The following ADGRV1 variants were observed in gnomAD, a reference collection of about 807,000 sequenced individuals.
The protein encoded by ADGRV1 is G-protein coupled receptor 98.
A neutral mutation model predicts 596.2 loss-of-function variants in ADGRV1; 359 were observed. That is an observed-to-expected ratio of 0.60 (90% CI 0.55 to 0.66). The LOEUF (loss-of-function observed/expected upper bound fraction) is 0.66, where lower values mean the gene tolerates loss of function less well. Ranked by LOEUF, ADGRV1 falls within the 30% of genes least tolerant of loss-of-function variation. ADGRV1 has a pLI of 0.00. For missense variants in ADGRV1, 7,274 were observed against 7,575.6 expected (o/e 0.96, Z 1.48); for synonymous variants, 2,681 against 2,679.2 (o/e 1.00, Z -0.02).
chr5:91,014,134 T>A (rs1202048821), intron 85 of ADGRV1, among the ~76,000 whole-genome samples: 1 of 21,346 alleles, frequency 4.7e-5, no homozygotes, highest in African/African-American at 3.0e-4. Context: ...CATTCACAAT[T>A]GCCACACACA....
rs1037087974 is a variant in ADGRV1 at position 90,668,211 on chromosome 5, C to T, written c.4753-4335C>T. Among the ~76,000 whole-genome samples the T allele has an allele frequency of 1.8e-3, 274 of 152,098 alleles. 1 individual carries two copies. Among genetic ancestry groups the T allele is most frequent in the African/African-American group, 6.3e-3 (263 of 41,476 alleles). ...ATGGCGGGCGCCCCTCCCCCAGCCT[C>T]GCTGCCGCCTTGCAGTTTGATCTCA... On this transcript the variant is annotated intron_variant, in intron 21 of 89. Coordinates refer to ENST00000405460, the MANE Select transcript of ADGRV1 (RefSeq NM_032119.4).
Position 90,628,720 on chromosome 5 carries a change from C to G in ADGRV1, c.1397C>G (p.Thr466Arg). The G allele has an allele frequency of 1.2e-6, 2 of 1,614,004 alleles. No homozygotes were observed. The highest frequency in any genetic ancestry group is 1.7e-6 in the Non-Finnish European group (2 of 1,179,888). The change falls in exon 8 of 90, where the codon ACA becomes AGA. Residue 466 changes from threonine (T) to arginine (R), a missense_variant. By Grantham distance (71) the Thr-to-Arg change is moderately conservative (BLOSUM62 -1). Around this residue, in one of 5 missense-constraint regions of ADGRV1, gnomAD observed 1,715 missense variants for 1,708.8 expected, o/e 1.00. Coordinates refer to ENST00000405460, the MANE Select transcript of ADGRV1 (RefSeq NM_032119.4). ...TTTGCACAAGGGCAGATGTTGGCAA[C>G]AATTCCTCTTACTGTGGTTGATGAT... ...LHFAQGQMLA[T>R]IPLTVVDDDL...
chr5:90,619,808 G>C (rs1371921968), intron 4 of ADGRV1, among the ~76,000 whole-genome samples: 1 of 143,560 alleles, frequency 7.0e-6, no homozygotes, highest in East Asian at 2.1e-4. Context: ...GTGTCCATGT[G>C]TTCTCATTGT....
intron 50 of ADGRV1, among the ~76,000 whole-genome samples, chr5:90,734,052 A>G (rs980903644): frequency 1.3e-5 from 2 of 152,214 alleles, no homozygotes; most frequent in African/African-American, 4.8e-5. Flanking sequence ...TTTACTTGGC[A>G]TAATGTCTTC....
chr5:91,003,128 A>G (rs1357901737), intron 85 of ADGRV1, among the ~76,000 whole-genome samples: 2 of 152,138 alleles, frequency 1.3e-5, no homozygotes, highest in Non-Finnish European at 2.9e-5. Flanking sequence ...GCCTCTAAAC[A>G]GTATATAAAG....
rs1468951111 is a variant in ADGRV1 at position 91,118,881 on chromosome 5, G to T, written c.18432+16541G>T. Among the ~76,000 whole-genome samples, 4 of 152,000 alleles carry T rather than the reference G, an allele frequency of 2.6e-5. 1 individual carries two copies. The highest frequency in any genetic ancestry group is 5.9e-5 in the Non-Finnish European group (4 of 68,018). On this transcript the variant is annotated intron_variant, in intron 87 of 89. Coordinates refer to ENST00000405460, the MANE Select transcript of ADGRV1 (RefSeq NM_032119.4). Reference sequence around the variant, plus strand: ...CTTGTATCTCTGTGAACTCATAGGGGATTCTCTTTTTCTTTTCCTGTCTCC... The same window carrying T: ...CTTGTATCTCTGTGAACTCATAGGGTATTCTCTTTTTCTTTTCCTGTCTCC...
chr5:90,574,541 C>G (rs1014616421), intron 1 of ADGRV1, among the ~76,000 whole-genome samples: 1 of 151,982 alleles, frequency 6.6e-6, no homozygotes, highest in East Asian at 1.9e-4. Context: ...ATTCTAGGAG[C>G]CTTTTTGTGG....
At chr5:90,832,464 A>G (rs1395627607) in intron 77 of ADGRV1, among the ~76,000 whole-genome samples, 2 of 152,056 alleles carry the variant, frequency 1.3e-5, no homozygotes, top group African/African-American at 4.8e-5. Context: ...ATTTTTACTC[A>G]TAGAGTTCTT....
At chr5:90,926,999 T>G (rs531738999) in intron 83 of ADGRV1, among the ~76,000 whole-genome samples, 2 of 151,386 alleles carry the variant, frequency 1.3e-5, no homozygotes, top group African/African-American at 4.9e-5. Flanking sequence ...GTCTGAGAGA[T>G]AGTTTGTTAT....
intron 78 of ADGRV1, among the ~76,000 whole-genome samples, chr5:90,848,216 A>C (rs544259712): frequency 9.1e-4 from 138 of 152,280 alleles, no homozygotes; most frequent in African/African-American, 3.3e-3. Context: ...ACTGGAAAAA[A>C]ATAATTTTGC....
rs1766178795 is a variant in ADGRV1 at position 90,848,829 on chromosome 5, T to G, written c.17204+8T>G. 1.3e-6 allele frequency: 2 copies of G among 1,568,622 alleles called. No homozygotes were observed. Among genetic ancestry groups the G allele is most frequent in the East Asian group, 4.7e-5 (2 of 42,344 alleles). Reference sequence around the variant, plus strand: ...CGGCTCTCCTGGTGAAAAGTAAGTATCTTTTAATATATTAGCAGTACCTTT... The same window carrying G: ...CGGCTCTCCTGGTGAAAAGTAAGTAGCTTTTAATATATTAGCAGTACCTTT... On this transcript the variant is annotated splice_region_variant and intron_variant, in intron 79 of 89. Coordinates refer to ENST00000405460, the MANE Select transcript of ADGRV1 (RefSeq NM_032119.4).
chr5:90,948,834 A>C (rs1003421676), intron 83 of ADGRV1, among the ~76,000 whole-genome samples: 1 of 152,068 alleles, frequency 6.6e-6, no homozygotes, highest in African/African-American at 2.4e-5. Context: ...TTGTGTGAGT[A>C]CTCCAAGCAC....
At chr5:90,604,143 T>C (rs1761782478) in intron 1 of ADGRV1, among the ~76,000 whole-genome samples, 1 of 151,936 alleles carries the variant, frequency 6.6e-6, no homozygotes, top group African/African-American at 2.4e-5. Context: ...TTTTTCAAAA[T>C]AATCTAGACA....
At chr5:90,784,166 T>A in intron 67 of ADGRV1, 109 bp downstream of exon 67, 1 of 718,728 alleles carries the variant, frequency 1.4e-6, no homozygotes, top group Non-Finnish European at 2.3e-6. Flanking sequence ...CAATCAATAT[T>A]TATTAATTAT....
At chr5:90,649,941 G>A (rs749386128) in intron 17 of ADGRV1, among the ~76,000 whole-genome samples, 25 of 152,162 alleles carry the variant, frequency 1.6e-4, no homozygotes, top group African/African-American at 5.6e-4. Context: ...GTGCTACCTC[G>A]TACTGCTGCT....
intron 85 of ADGRV1, 103 bp downstream of exon 85, chr5:90,985,625 T>C: frequency 1.2e-6 from 1 of 802,212 alleles, no homozygotes; most frequent in Non-Finnish European, 2.0e-6. Context: ...GATCTTTGCT[T>C]TTCTGCCACA....
chr5:90,736,202 T>G (rs1753196959), intron 50 of ADGRV1, among the ~76,000 whole-genome samples: 2 of 152,102 alleles, frequency 1.3e-5, no homozygotes, highest in Admixed American at 1.3e-4. Context: ...TTGATTTTTT[T>G]CAAATACTTT....
At chr5:90,843,852 A>G (rs1345922684) in intron 78 of ADGRV1, among the ~76,000 whole-genome samples, 2 of 152,216 alleles carry the variant, frequency 1.3e-5, no homozygotes, top group Non-Finnish European at 2.9e-5. Context: ...AAATGAATGC[A>G]TGAAATGTAT....
intron 78 of ADGRV1, among the ~76,000 whole-genome samples, chr5:90,843,071 A>G (rs916830301): frequency 1.6e-4 from 25 of 152,178 alleles, no homozygotes; most frequent in African/African-American, 5.8e-4. Flanking sequence ...TATGGACACA[A>G]CAGTTTTCTG....
Sources: gnomAD v4.1 joint callset for allele counts (sites outside exome capture counted in the v4.1 genomes callset) on GRCh38, gnomAD v4.1.1 for gene constraint, gnomAD v4.1.1 regional missense constraint, MANE v1.5 for transcripts, NCBI Gene and HGNC (gene_info 2026-07-23, HGNC 2026-07-21) for gene names.